RTN4: variants seen among roughly 807,000 people sequenced by gnomAD.
RTN4 encodes reticulon-4.
A neutral mutation model predicts 90.4 loss-of-function variants in RTN4; 32 were observed. The ratio of observed to expected loss-of-function variants is 0.35; its 90% CI spans 0.27 to 0.48. The LOEUF (loss-of-function observed/expected upper bound fraction) is 0.48, where lower values mean the gene tolerates loss of function less well. Ranked by LOEUF, RTN4 falls within the 20% of genes least tolerant of loss-of-function variation. The probability of loss-of-function intolerance (pLI) is 0.99; values close to 1 mark genes in which losing one functional copy is unlikely to be tolerated. For missense variants in RTN4, 1,706 were observed against 1,430.2 expected (o/e 1.19, Z -3.11); for synonymous variants, 629 against 552.5 (o/e 1.14, Z -1.94).
chr2:55,074,219 T>A (rs1186442267), intron 2 of RTN4, among the ~76,000 whole-genome samples: 1 of 152,148 alleles, frequency 6.6e-6, no homozygotes, highest in Non-Finnish European at 1.5e-5. Context: ...AAGAAAACAC[T>A]GGCCATGCAC....
At chr2:54,977,664 C>G (rs2580766) in intron 5 of RTN4, among the ~76,000 whole-genome samples, 139,928 of 152,078 alleles carry the variant, frequency 0.92, 64,539 homozygotes, top group Middle Eastern at 0.99. Context: ...TTCATAATTG[C>G]GGGTGGGAAG....
chr2:55,053,810 C>A (rs1280257445), upstream of RTN4, among the ~76,000 whole-genome samples: 1 of 152,126 alleles, frequency 6.6e-6, no homozygotes, highest in African/African-American at 2.4e-5. Context: ...AGAGATCCAG[C>A]CTGCTAGAAT....
Position 55,025,462 on chromosome 2 carries a change from A to C in RTN4, c.2637T>G (p.Thr879=). The C allele has an allele frequency of 1.9e-6, 3 of 1,613,718 alleles. No individual in the cohort carries two copies. Among genetic ancestry groups the C allele is most frequent in the Non-Finnish European group, 2.5e-6 (3 of 1,179,814 alleles). The change falls in exon 3 of 9, where the codon ACT becomes ACG. Residue 879 remains threonine, a synonymous_variant. Transcript: ENST00000337526. The part of the protein sequence containing the change: ...DEFPTLISSK[T]DSFSKLAREY... ...CCCTGGCTAATTTAGAAAATGAATC[A>C]GTTTTAGAACTGATCAATGTAGGGA...
chr2:55,130,300 C>T, the RTN4 span, among the ~76,000 whole-genome samples: 1 of 152,176 alleles, frequency 6.6e-6, no homozygotes, highest in Non-Finnish European at 1.5e-5. Flanking sequence ...ACACTCCCCA[C>T]TAAACCATAC....
At chr2:55,080,583 T>C (rs1668692662) in exon 2 of RTN4, 1 of 152,214 alleles carries the variant, frequency 6.6e-6, no homozygotes, top group Non-Finnish European at 1.5e-5. Flanking sequence ...GCTTAGTATC[T>C]TATTCCTCAG....
chr2:54,990,229 G>A (rs1208298357), intron 3 of RTN4, among the ~76,000 whole-genome samples: 1 of 152,164 alleles, frequency 6.6e-6, no homozygotes. Flanking sequence ...ACCCCAGGGT[G>A]ACAACAGTCA....
intron 2 of RTN4, among the ~76,000 whole-genome samples, chr2:55,070,880 C>T (rs947755044): frequency 3.3e-5 from 5 of 151,710 alleles, no homozygotes; most frequent in Non-Finnish European, 7.4e-5. Flanking sequence ...GGGTTCACGC[C>T]ATTCTCCTGC....
intron 3 of RTN4, among the ~76,000 whole-genome samples, chr2:55,018,852 T>G (rs1353626849): frequency 3.9e-5 from 6 of 152,164 alleles, no homozygotes; most frequent in African/African-American, 1.4e-4. Context: ...TGACCACAAC[T>G]AGCATCTAGC....
intron 1 of RTN4, among the ~76,000 whole-genome samples, chr2:55,090,556 C>T (rs1388874882): frequency 6.6e-6 from 1 of 152,102 alleles, no homozygotes; most frequent in Non-Finnish European, 1.5e-5. Flanking sequence ...AATGAAGTCT[C>T]CACCTCCCCT....
intron 5 of RTN4, among the ~76,000 whole-genome samples, chr2:54,979,594 G>A (rs1056413440): frequency 6.6e-6 from 1 of 152,170 alleles, no homozygotes; most frequent in Admixed American, 6.5e-5. Context: ...CATATACAAT[G>A]ACATTAGGAA....
intron 1 of RTN4, among the ~76,000 whole-genome samples, chr2:55,044,032 C>T (rs975405085): frequency 2.0e-5 from 3 of 151,882 alleles, no homozygotes; most frequent in African/African-American, 4.8e-5. Context: ...CCTATCTGCA[C>T]GAAAAACACA....
chr2:55,062,901 A>C (rs186728994), intron 2 of RTN4, among the ~76,000 whole-genome samples: 1 of 152,358 alleles, frequency 6.6e-6, no homozygotes, highest in Non-Finnish European at 1.5e-5. Flanking sequence ...CTTTGAATAA[A>C]AACTGTATTT....
At chr2:55,097,085 C>A (rs1442611705) in intron 1 of RTN4, among the ~76,000 whole-genome samples, 1 of 151,538 alleles carries the variant, frequency 6.6e-6, no homozygotes, top group East Asian at 1.9e-4. Context: ...AAAAAGTTCA[C>A]CAAGCAGACA....
the RTN4 span, among the ~76,000 whole-genome samples, chr2:55,137,480 C>T: frequency 1.3e-5 from 2 of 152,126 alleles, no homozygotes; most frequent in African/African-American, 4.8e-5. Context: ...AATTCCGGAG[C>T]GTTCGGAAGC....
At chr2:54,988,543 A>G (rs1335288683) in intron 3 of RTN4, among the ~76,000 whole-genome samples, 1 of 152,202 alleles carries the variant, frequency 6.6e-6, no homozygotes, top group East Asian at 1.9e-4. Flanking sequence ...TGTGCTAGTA[A>G]TAACTCTGCT....
At chr2:55,111,583 C>T (rs1264246813) in intron 1 of RTN4, among the ~76,000 whole-genome samples, 9 of 152,176 alleles carry the variant, frequency 5.9e-5, no homozygotes, top group Non-Finnish European at 1.3e-4. Context: ...TTGCCTTCCA[C>T]AGCACCTCCC....
intron 2 of RTN4, among the ~76,000 whole-genome samples, chr2:55,069,110 T>C (rs1668444487): frequency 6.6e-6 from 1 of 152,228 alleles, no homozygotes; most frequent in South Asian, 2.1e-4. Flanking sequence ...TTGCAGACTT[T>C]CTGAAGAAAT....
In RTN4 at chr2:54,982,528, A is replaced by G. The variant is rs753785436; in HGVS notation, c.3347T>C (p.Val1116Ala). The G allele has an allele frequency of 6.2e-7, 1 of 1,610,670 alleles. No individual in the cohort carries two copies. Among genetic ancestry groups the G allele is most frequent in the South Asian group, 1.1e-5 (1 of 89,864 alleles). The change falls in exon 5 of 9, where the codon GTT (valine) becomes GCT (alanine). Residue 1116 changes from valine to alanine, a missense_variant. By Grantham distance (64) the Val-to-Ala change is moderately conservative. Coordinates refer to ENST00000337526, the MANE Select transcript of RTN4 (RefSeq NM_020532.5). ...AAATAAACTTACCTTCAGAGAATCAACTAAATCATCAACTAAGAAGAGGCG... is the reference window on the plus strand; with the variant it reads ...AAATAAACTTACCTTCAGAGAATCAGCTAAATCATCAACTAAGAAGAGGCG... Reference protein sequence around the residue: ...LRRLFLVDDLVDSLKFAVLMW... With the variant: ...LRRLFLVDDLADSLKFAVLMW...
At position 55,028,229 on chromosome 2, in the gene RTN4, C is replaced by G. The variant is rs1443003993; in HGVS notation, c.557-9G>C. ...AGCAAAAAGGGTCTCATCTGAAAAA[C>G]AAATAGAATATAACCTCAGCAGAAA... On this transcript the variant is annotated splice_polypyrimidine_tract_variant and intron_variant, in intron 1 of 8. Transcript: ENST00000337526. 5 of 1,610,774 alleles carry G rather than the reference C, an allele frequency of 3.1e-6. No individual in the cohort carries two copies. Among genetic ancestry groups the G allele is most frequent in the African/African-American group, 1.3e-5 (1 of 74,898 alleles).
Sources: allele counts gnomAD v4.1 joint callset (sites outside exome capture counted in the v4.1 genomes callset), GRCh38; gene constraint gnomAD v4.1.1; transcripts MANE v1.5; gene names NCBI Gene and HGNC (gene_info 2026-07-23, HGNC 2026-07-21).